Variants in ZNF236 observed in about 807,000 individuals in gnomAD.
ZNF236 encodes regulated by glucose.
A neutral mutation model predicts 191.2 loss-of-function variants in ZNF236; 50 were observed. That is an observed-to-expected ratio of 0.26 (90% CI 0.21 to 0.33). ZNF236 has a LOEUF of 0.33. Among genes scored for constraint, ZNF236 ranks in the 10% least tolerant of loss-of-function variants. The pLI, the probability that ZNF236 is intolerant of heterozygous loss-of-function variation, is 1.00. For missense variants in ZNF236, 1,754 were observed against 2,374.5 expected (o/e 0.74, Z 5.43); for synonymous variants, 907 against 928.8 (o/e 0.98, Z 0.43).
intron 1 of ZNF236, among the ~76,000 whole-genome samples, chr18:76,846,913 G>A (rs1160962883): frequency 6.6e-6 from 1 of 151,860 alleles, no homozygotes; most frequent in African/African-American, 2.4e-5. Flanking sequence ...TCCTGCCTCA[G>A]CCTCCCTTGT....
Position 76,968,321 on chromosome 18 carries a change from C to T in ZNF236, c.5526C>T (p.Ala1842=), listed in dbSNP as rs755709507. The T allele has an allele frequency of 1.0e-5, 16 of 1,607,848 alleles. No homozygotes were observed. The highest frequency in any genetic ancestry group is 1.3e-5 in the African/African-American group (1 of 74,452). The change falls in exon 31 of 31, where the codon GCC becomes GCT. Residue 1842 remains alanine, a synonymous_variant. Transcript: ENST00000320610. ...AGGAGGCCGCCGGCGAGTGGCAGGCCCTCACCCACGTCTTCTGATGCGAGT... is the reference window on the plus strand; with the variant it reads ...AGGAGGCCGCCGGCGAGTGGCAGGCTCTCACCCACGTCTTCTGATGCGAGT... ...VVQEAAGEWQ[A]LTHVF is the part of the protein sequence containing the mutation.
At chr18:76,837,431 CTTTTTCTTTTTT>C (rs1432507527) in intron 1 of ZNF236, among the ~76,000 whole-genome samples, 2 of 126,504 alleles carry the variant, frequency 1.6e-5, no homozygotes, top group African/African-American at 3.0e-5. Context: ...TTTTCTTTTT[CTTTTTCTTTTTT>C]TTTTTTTTTT....
intron 3 of ZNF236, among the ~76,000 whole-genome samples, chr18:76,864,173 A>G (rs1400324360): frequency 6.6e-6 from 1 of 150,516 alleles, no homozygotes; most frequent in East Asian, 2.0e-4. Flanking sequence ...CATAATCATG[A>G]GACAATTTCT....
intron 9 of ZNF236, among the ~76,000 whole-genome samples, chr18:76,893,323 A>C (rs1272862318): frequency 1.3e-5 from 2 of 152,168 alleles, no homozygotes; most frequent in Admixed American, 6.5e-5. Flanking sequence ...AAGCAGTCTT[A>C]AATTTTAGAT....
chr18:76,843,206 G>A (rs910811927), intron 1 of ZNF236, among the ~76,000 whole-genome samples: 2 of 152,146 alleles, frequency 1.3e-5, no homozygotes, highest in African/African-American at 4.8e-5. Context: ...GCATGAGCCG[G>A]TGAGGCTGAA....
chr18:76,915,399 A>G (rs187588823), intron 18 of ZNF236, among the ~76,000 whole-genome samples: 10 of 152,342 alleles, frequency 6.6e-5, no homozygotes, highest in Admixed American at 5.2e-4. Flanking sequence ...TAGAGAAGGC[A>G]GTAAGATGTC....
chr18:76,910,841 G>T lies in ZNF236; in HGVS notation c.2805+30G>T, dbSNP rs1184978894. ...GTATGGACAGAGGGGTGCATACATG[G>T]CAGTATTTAGCAGGTGCTATGTTAT... On this transcript the variant is annotated intron_variant, in intron 16 of 30. Transcript: ENST00000320610. 2.5e-6 allele frequency: 4 copies of T among 1,607,152 alleles called. No individual in the cohort carries two copies. In the Middle Eastern group the frequency reaches 5.0e-4, roughly 199 times the overall value.
In ZNF236 at chr18:76,835,202, T is replaced by C. The variant is rs144355503; in HGVS notation, c.55+12540T>C. 1.5e-3 allele frequency among the ~76,000 whole-genome samples: 233 copies of C among 152,308 alleles called. 2 individuals carry two copies. The highest frequency in any genetic ancestry group is 5.1e-3 in the African/African-American group (211 of 41,582). The stretch of plus-strand genomic sequence containing the variant: ...AGTTCTCATAAGTTATTGCAAAAGA[T>C]GTGGCTAAATTTTGAAATTACCTTC... On this transcript the variant is annotated intron_variant, in intron 1 of 30. Transcript: ENST00000320610.
chr18:76,866,360 C>T (rs2122583828), intron 3 of ZNF236, among the ~76,000 whole-genome samples: 1 of 152,214 alleles, frequency 6.6e-6, no homozygotes, highest in East Asian at 1.9e-4. Flanking sequence ...TCAGCAGAGG[C>T]ACACTGCATT....
At chr18:76,870,481 A>G (rs1976549422) in intron 4 of ZNF236, among the ~76,000 whole-genome samples, 1 of 152,212 alleles carries the variant, frequency 6.6e-6, no homozygotes, top group South Asian at 2.1e-4. Context: ...AGGTCTTTCC[A>G]GACTGAGGAG....
intron 1 of ZNF236, among the ~76,000 whole-genome samples, chr18:76,845,508 A>G (rs1975647170): frequency 6.6e-6 from 1 of 152,108 alleles, no homozygotes; most frequent in African/African-American, 2.4e-5. Context: ...GGCATTAGGA[A>G]TGTCTGCTGC....
intron 28 of ZNF236, among the ~76,000 whole-genome samples, chr18:76,957,221 G>A (rs1229902933): frequency 6.6e-6 from 1 of 152,210 alleles, no homozygotes; most frequent in African/African-American, 2.4e-5. Flanking sequence ...GAAGAAGGGA[G>A]AGTCCTACTC....
rs760181688 is a variant in ZNF236 at position 76,937,207 on chromosome 18, C to T, written c.4646C>T (p.Ser1549Leu). 1.2e-5 allele frequency: 20 copies of T among 1,614,168 alleles called. No homozygotes were observed. The highest frequency in any genetic ancestry group is 6.6e-5 in the South Asian group (6 of 91,086). ...CCTTCAACAACACCGATGTCTCCAT[C>T]GGCCATCTCGACTCAGAACCTGGTC... ...SLPSTTPMSP[S>L]AISTQNLVMS... The change falls in exon 26 of 31, where the codon TCG (serine) becomes TTG (leucine). Residue 1549 changes from serine (S) to leucine (L), a missense_variant. Ser to Leu is a moderately radical substitution (Grantham distance 145). Coordinates refer to ENST00000320610, the MANE Select transcript of ZNF236 (RefSeq NM_001306089.2).
At chr18:76,865,138 A>C (rs1599344819) in intron 3 of ZNF236, among the ~76,000 whole-genome samples, 1 of 152,182 alleles carries the variant, frequency 6.6e-6, no homozygotes, top group Non-Finnish European at 1.5e-5. Context: ...GGAGTTCAAG[A>C]CCAGCCTGGC....
chr18:76,929,023 C>T (rs537463785), intron 25 of ZNF236, among the ~76,000 whole-genome samples: 1 of 146,962 alleles, frequency 6.8e-6, no homozygotes, highest in South Asian at 2.2e-4. Flanking sequence ...GGAAGCAGCC[C>T]CACTTCCCTG....
intron 1 of ZNF236, among the ~76,000 whole-genome samples, chr18:76,826,330 A>G (rs1975019155): frequency 7.5e-6 from 1 of 133,052 alleles, no homozygotes; most frequent in Non-Finnish European, 1.6e-5. Flanking sequence ...CACCATGTTG[A>G]TCAGGCTGGT....
chr18:76,929,949 A>C (rs1199851848), intron 25 of ZNF236, among the ~76,000 whole-genome samples: 1 of 152,258 alleles, frequency 6.6e-6, no homozygotes, highest in Non-Finnish European at 1.5e-5. Flanking sequence ...GACTTTAGGC[A>C]GTTCATGAGT....
chr18:76,826,480 C>T (rs1975022732), intron 1 of ZNF236, among the ~76,000 whole-genome samples: 1 of 151,584 alleles, frequency 6.6e-6, no homozygotes, highest in Non-Finnish European at 1.5e-5. Context: ...GGAACTGGAT[C>T]TCCATTTGTG....
At chr18:76,859,174 G>A (rs1976136446) in intron 3 of ZNF236, among the ~76,000 whole-genome samples, 1 of 80,804 alleles carries the variant, frequency 1.2e-5, no homozygotes, top group Admixed American at 1.2e-4. Context: ...GCGGGTGCAG[G>A]TGGAGGAGGA....
Sources: gnomAD v4.1 joint callset for allele counts (sites outside exome capture counted in the v4.1 genomes callset) on GRCh38, gnomAD v4.1.1 for gene constraint, MANE v1.5 for transcripts, NCBI Gene and HGNC (gene_info 2026-07-23, HGNC 2026-07-21) for gene names.